Variants in ANKRD31 observed in about 807,000 individuals in gnomAD.
ANKRD31 encodes ankyrin repeat domain-containing protein 31.
In ANKRD31, 147 loss-of-function variants were observed where a neutral mutation model predicts 186.0. The ratio of observed to expected loss-of-function variants is 0.79; its 90% CI spans 0.69 to 0.91. ANKRD31 has a LOEUF of 0.91. Among genes scored for constraint, ANKRD31 ranks in the 40% least tolerant of loss-of-function variants. The probability of loss-of-function intolerance (pLI) is 0.00; values close to 1 mark genes in which losing one functional copy is unlikely to be tolerated. For synonymous variants in ANKRD31, 673 were observed against 736.4 expected, an observed-to-expected ratio of 0.91 and a Z score of 1.39; for missense variants, 1,986 against 2,148.8, an observed-to-expected ratio of 0.92 and a Z score of 1.50.
intron 9 of ANKRD31, among the ~76,000 whole-genome samples, chr5:75,191,954 A>C (rs1425737706): frequency 6.6e-6 from 1 of 152,082 alleles, no homozygotes; most frequent in Admixed American, 6.6e-5. Context: ...AAATAGAACA[A>C]AAGACTCACC....
intron 16 of ANKRD31, 24 bp downstream of exon 16, chr5:75,138,822 T>C (rs918388384): frequency 5.2e-6 from 8 of 1,531,150 alleles, no homozygotes; most frequent in Non-Finnish European, 7.0e-6. Context: ...ATTATAAAGG[T>C]AATTAAATTA....
At chr5:75,175,741 T>G (rs1455406412) in intron 10 of ANKRD31, among the ~76,000 whole-genome samples, 1 of 151,710 alleles carries the variant, frequency 6.6e-6, no homozygotes, top group East Asian at 1.9e-4. Flanking sequence ...TAAAACACAC[T>G]GTTGGTTGGG....
intron 10 of ANKRD31, among the ~76,000 whole-genome samples, chr5:75,175,646 AACAC>A (rs10532266): frequency 0.14 from 20,032 of 147,160 alleles, 1,362 homozygotes; most frequent in African/African-American, 0.15. Flanking sequence ...TACCTCAGAA[AACAC>A]ACACACACAC....
intron 22 of ANKRD31, among the ~76,000 whole-genome samples, chr5:75,098,897 C>G (rs989539127): frequency 2.6e-5 from 4 of 152,172 alleles, no homozygotes; most frequent in African/African-American, 9.7e-5. Context: ...TTGACTTCCT[C>G]TTTTCCTAAT....
intron 20 of ANKRD31, among the ~76,000 whole-genome samples, chr5:75,109,303 A>G (rs1747581028): frequency 6.6e-6 from 1 of 152,224 alleles, no homozygotes; most frequent in African/African-American, 2.4e-5. Flanking sequence ...TTGACAACTG[A>G]TAGAAAAGTG....
At chr5:75,174,240 A>G (rs1753588414) in intron 10 of ANKRD31, among the ~76,000 whole-genome samples, 1 of 152,242 alleles carries the variant, frequency 6.6e-6, no homozygotes, top group Admixed American at 6.5e-5. Context: ...AAGATGGATT[A>G]AAGACTTAAA....
chr5:75,235,031 T>C (rs777671070), intron 1 of ANKRD31, among the ~76,000 whole-genome samples: 1 of 152,080 alleles, frequency 6.6e-6, no homozygotes, highest in Admixed American at 6.6e-5. Flanking sequence ...TGTGATTCTA[T>C]TTTGGGGGTT....
chr5:75,140,778 G>A (rs947518735), intron 15 of ANKRD31, among the ~76,000 whole-genome samples: 6 of 152,172 alleles, frequency 3.9e-5, no homozygotes, highest in Non-Finnish European at 8.8e-5. Flanking sequence ...AATCACCAGT[G>A]AGGAACTGAG....
At chr5:75,097,257 C>A (rs867112673) in intron 22 of ANKRD31, among the ~76,000 whole-genome samples, 2 of 152,200 alleles carry the variant, frequency 1.3e-5, no homozygotes, top group African/African-American at 2.4e-5. Context: ...GATGGTTGAA[C>A]TAGTTTACAG....
intron 2 of ANKRD31, among the ~76,000 whole-genome samples, chr5:75,227,730 C>T (rs58067979): frequency 0.5 from 76,680 of 151,862 alleles, 22,295 homozygotes; most frequent in African/African-American, 0.81. Flanking sequence ...TGCAGAGGTC[C>T]CCAATCCCTG....
intron 17 of ANKRD31, among the ~76,000 whole-genome samples, chr5:75,120,509 A>G (rs1036932588): frequency 6.6e-6 from 1 of 152,236 alleles, no homozygotes; most frequent in Admixed American, 6.5e-5. Context: ...GAGACATACT[A>G]TATGCCAGTG....
At chr5:75,176,173 G>A (rs1199978532) in intron 10 of ANKRD31, among the ~76,000 whole-genome samples, 1 of 152,310 alleles carries the variant, frequency 6.6e-6, no homozygotes, top group South Asian at 2.1e-4. Context: ...CAAGGTGGCA[G>A]TGAGGCTGGG....
chr5:75,152,798 C>T (rs181112694), intron 12 of ANKRD31, among the ~76,000 whole-genome samples: 1 of 151,882 alleles, frequency 6.6e-6, no homozygotes, highest in Admixed American at 6.6e-5. Flanking sequence ...GTAATAAGTG[C>T]TATGGGGAAT....
intron 4 of ANKRD31, among the ~76,000 whole-genome samples, chr5:75,209,719 C>G (rs950596008): frequency 3.9e-5 from 6 of 152,058 alleles, no homozygotes; most frequent in African/African-American, 1.4e-4. Flanking sequence ...CACAGAAATG[C>G]TTTAAGCATA....
rs559177609 is a variant in ANKRD31, at chr5:75,146,931, T to C, written c.2480A>G (p.Glu827Gly). ...AACAGCTTCAGTTTGGTCAACAGAT[T>C]CTAATTCCAAGCATTGAACTTCTTG... The part of the protein sequence containing the change: ...DSQEVQCLEL[E>G]SVDQTEAVSF... Residue 827 changes from glutamate to glycine, a missense_variant, in exon 14 of 26, where the codon GAA (glutamate) becomes GGA (glycine). Transcript: ENST00000506364. The C allele has an allele frequency of 2.6e-6, 4 of 1,536,360 alleles. No individual in the cohort carries two copies. Among genetic ancestry groups the C allele is most frequent in the Non-Finnish European group, 3.5e-6 (4 of 1,146,310 alleles).
rs140221728 is a variant in ANKRD31, at chr5:75,187,458, T to TA, written c.1564+1034dup. Among the ~76,000 whole-genome samples, 979 of 145,118 alleles carry TA rather than the reference T, an allele frequency of 6.7e-3. 6 individuals are homozygous for TA. The highest frequency in any genetic ancestry group is 0.011 in the Middle Eastern group (3 of 284). ...ACTGAGAATGTTAACACTGGCACATTAAAAAAAAAAGGCTAATACAAAGAA... is the reference window on the plus strand; with the variant it reads ...ACTGAGAATGTTAACACTGGCACATTAAAAAAAAAAAGGCTAATACAAAGAA... On this transcript the variant is annotated intron_variant, in intron 10 of 25. Transcript: ENST00000506364.
chr5:75,074,092 T>A (rs1283030756), intron 25 of ANKRD31, among the ~76,000 whole-genome samples: 1 of 152,148 alleles, frequency 6.6e-6, no homozygotes, highest in Non-Finnish European at 1.5e-5. Flanking sequence ...CAATTTCCTA[T>A]AATCATAGGA....
At position 75,113,408 on chromosome 5, in the gene ANKRD31, T is replaced by G. The variant is rs375904995; in HGVS notation, c.4156-808A>C. 4.6e-5 allele frequency among the ~76,000 whole-genome samples: 7 copies of G among 152,232 alleles called. No individual in the cohort carries two copies. The East Asian group carries it at 7.7e-4, about 17-fold the overall frequency. On this transcript the variant is annotated intron_variant, in intron 19 of 25. Transcript: ENST00000506364. ...TTTCCTTTTTCTCAGAATTAAGAAA[T>G]TCGGTGCTACATAATTTAACACTAA...
In ANKRD31 at chr5:75,188,530, T is replaced by TA. The variant is rs1405444243; in HGVS notation, c.1526dup (p.Gly512ArgfsTer5). The TA allele has an allele frequency of 2.6e-6, 4 of 1,535,884 alleles. No homozygotes were observed. The highest frequency in any genetic ancestry group is 2.4e-5 in the South Asian group (2 of 83,676). Reference sequence around the variant, plus strand: ...GCTGATTAACATTTCCACCTTTTTTTATACAATGATGAACAAGATCAGCAT... The same window carrying TA: ...GCTGATTAACATTTCCACCTTTTTTTAATACAATGATGAACAAGATCAGCAT... On this transcript the variant is annotated frameshift_variant, in exon 10 of 26. Transcript: ENST00000506364. LOFTEE classifies it high-confidence loss of function.
Sources: allele counts gnomAD v4.1 joint callset (sites outside exome capture counted in the v4.1 genomes callset), GRCh38; gene constraint gnomAD v4.1.1; transcripts MANE v1.5; gene names NCBI Gene and HGNC (gene_info 2026-07-23, HGNC 2026-07-21).